CYREN: variants seen among roughly 807,000 people sequenced by gnomAD.
The protein encoded by CYREN is cell cycle regulator of NHEJ.
CYREN carries 7 observed loss-of-function variants against 9.7 expected under a neutral mutation model. The ratio of observed to expected loss-of-function variants is 0.72; its 90% confidence interval spans 0.41 to 1.36. CYREN has a LOEUF of 1.36. Among genes scored for constraint, CYREN ranks in the 40% most tolerant of loss-of-function variants. The pLI is 0.01. For missense variants in CYREN, 215 were observed against 198.1 expected (o/e 1.09, Z -0.51); for synonymous variants, 76 against 77.9 (o/e 0.98, Z 0.13).
chr7:135,171,326 TAAAAA>T (rs5887722), upstream of CYREN, among the ~76,000 whole-genome samples: 6 of 149,198 alleles, frequency 4.0e-5, no homozygotes, highest in East Asian at 7.9e-4. Context: ...TTTTTTTTTT[TAAAAA>T]AAAAAGGAAG....
intron 2 of CYREN, among the ~76,000 whole-genome samples, chr7:135,121,671 G>GT (rs775394223): frequency 6.6e-6 from 1 of 152,088 alleles, no homozygotes; most frequent in Non-Finnish European, 1.5e-5. Flanking sequence ...GCGGCATTCG[G>GT]AGGCTCCCAT....
chr7:135,122,922 C>T (rs1048219015), intron 2 of CYREN, among the ~76,000 whole-genome samples: 2 of 152,178 alleles, frequency 1.3e-5, no homozygotes, highest in Admixed American at 1.3e-4. Context: ...ACTAGACAAA[C>T]TCATGAAGAT....
At chr7:135,163,790 G>C (rs1205791827), downstream of CYREN, among the ~76,000 whole-genome samples, 2 of 152,254 alleles carry the variant, frequency 1.3e-5, no homozygotes, top group African/African-American at 2.4e-5. Context: ...CCAGTAATGA[G>C]TTCCCAGAGC....
At chr7:135,104,968 T>C (rs1824437471) in intron 2 of CYREN, among the ~76,000 whole-genome samples, 2 of 152,260 alleles carry the variant, frequency 1.3e-5, no homozygotes, top group Middle Eastern at 3.4e-3. Context: ...TTGTGATTGC[T>C]TTTGGTGTCC....
downstream of CYREN, among the ~76,000 whole-genome samples, chr7:135,162,719 G>C (rs1829976888): frequency 6.6e-6 from 1 of 152,168 alleles, no homozygotes; most frequent in African/African-American, 2.4e-5. Flanking sequence ...GGGATTATGG[G>C]AGCTATAATT....
chr7:135,150,998 A>G (rs1829654233), intron 2 of CYREN, among the ~76,000 whole-genome samples: 1 of 152,246 alleles, frequency 6.6e-6, no homozygotes, highest in African/African-American at 2.4e-5. Context: ...ACAATTGCAC[A>G]AATAGCAAGT....
chr7:135,108,009 G>T (rs2348273), intron 2 of CYREN, among the ~76,000 whole-genome samples: 152,280 of 152,280 alleles, frequency 1, 76,140 homozygotes, highest in Non-Finnish European at 1. Flanking sequence ...TTAAAGTCTT[G>T]GTGGTCTGAA....
chr7:135,107,143 A>ATT (rs397720313), intron 2 of CYREN, among the ~76,000 whole-genome samples: 13 of 150,344 alleles, frequency 8.6e-5, no homozygotes, highest in East Asian at 2.0e-4. Flanking sequence ...TATATTATTG[A>ATT]TTTTTTTTTC....
chr7:135,143,609 T>C (rs1829491941), intron 2 of CYREN, among the ~76,000 whole-genome samples: 1 of 152,070 alleles, frequency 6.6e-6, no homozygotes, highest in Non-Finnish European at 1.5e-5. Context: ...AATTTTCCTG[T>C]GAACCTAAAA....
At chr7:135,160,521 G>A (rs1040175747) in intron 2 of CYREN, among the ~76,000 whole-genome samples, 4 of 152,196 alleles carry the variant, frequency 2.6e-5, no homozygotes, top group South Asian at 4.2e-4. Context: ...GGAAAGAAGC[G>A]AGGACTGACT....
At chr7:135,097,733 A>G (rs1472205514) in intron 2 of CYREN, among the ~76,000 whole-genome samples, 3 of 152,122 alleles carry the variant, frequency 2.0e-5, no homozygotes. Flanking sequence ...TGGAAATGGA[A>G]GAAGATATCC....
Position 135,142,779 on chromosome 7 carries a change from AG to A in CYREN, n.356+25969del, listed in dbSNP as rs1829477365. Among the ~76,000 whole-genome samples, 5 of 152,142 alleles carry A rather than the reference AG, an allele frequency of 3.3e-5. No homozygotes were observed. The South Asian group carries it at 1.0e-3, about 32-fold the overall frequency. ...TTAAGTATGTGTCAAGAGCTATATG[AG>A]GAAAACTATAAAACTCTGATGAAAA... On this transcript the variant is annotated intron_variant and non_coding_transcript_variant, in intron 2 of 2. Transcript: ENST00000459937.
chr7:135,164,111 G>A (rs921867035), downstream of CYREN, among the ~76,000 whole-genome samples: 1 of 152,238 alleles, frequency 6.6e-6, no homozygotes, highest in Non-Finnish European at 1.5e-5. Context: ...CCAATGGCTT[G>A]TTGTATTTGG....
At chr7:135,167,842 G>A (rs770549393) in intron 2 of CYREN, 35 bp from the exon 3 acceptor site, 3 of 1,613,728 alleles carry the variant, frequency 1.9e-6, no homozygotes, top group African/African-American at 2.7e-5. Context: ...AGATGACACA[G>A]ACTCTCAAGT....
intron 2 of CYREN, among the ~76,000 whole-genome samples, chr7:135,098,199 A>C (rs1002734407): frequency 4.6e-5 from 7 of 152,204 alleles, no homozygotes; most frequent in Non-Finnish European, 1.0e-4. Context: ...TAATAAGTAA[A>C]GTCTAAATAC....
intron 2 of CYREN, among the ~76,000 whole-genome samples, chr7:135,137,692 A>C (rs1829378725): frequency 6.6e-6 from 1 of 152,090 alleles, no homozygotes; most frequent in African/African-American, 2.4e-5. Flanking sequence ...AAACATTTAA[A>C]GGGTTTAAAG....
chr7:135,092,692 A>G (rs958162368), exon 3 of CYREN: 4 of 152,158 alleles, frequency 2.6e-5, no homozygotes, highest in African/African-American at 9.7e-5. Context: ...GTTTCTCAGA[A>G]AAGGTAATTG....
intron 2 of CYREN, among the ~76,000 whole-genome samples, chr7:135,141,728 A>C (rs1031231690): frequency 6.6e-6 from 1 of 152,138 alleles, no homozygotes; most frequent in Non-Finnish European, 1.5e-5. Flanking sequence ...GCTGTGTCCC[A>C]GACATTCTCA....
intron 2 of CYREN, chr7:135,101,153 T>C (rs1335167593): frequency 4.4e-6 from 2 of 455,904 alleles, no homozygotes; most frequent in East Asian, 1.4e-4. Context: ...GAGGCCAATC[T>C]AGGAAAAAAA....
Sources: gnomAD v4.1 joint callset for allele counts (sites outside exome capture counted in the v4.1 genomes callset) on GRCh38, gnomAD v4.1.1 for gene constraint, MANE v1.5 for transcripts, NCBI Gene and HGNC (gene_info 2026-07-23, HGNC 2026-07-21) for gene names.